MAP3K2: variants seen among roughly 807,000 people sequenced by gnomAD.
MAP3K2 encodes the protein mitogen-activated protein kinase kinase kinase 2.
MAP3K2 carries 24 observed loss-of-function variants against 80.3 expected under a neutral mutation model. That is an observed-to-expected ratio of 0.30 (90% CI 0.22 to 0.42). The LOEUF (loss-of-function observed/expected upper bound fraction) is 0.42. Ranked by LOEUF, MAP3K2 falls within the 10% of genes least tolerant of loss-of-function variation. The pLI is 1.00. For missense variants in MAP3K2, 608 were observed against 750.1 expected (o/e 0.81, Z 2.21); for synonymous variants, 244 against 253.7 (o/e 0.96, Z 0.36).
chr2:127,371,594 AT>A (rs1687066229), intron 1 of MAP3K2, among the ~76,000 whole-genome samples: 2 of 152,194 alleles, frequency 1.3e-5, no homozygotes, highest in South Asian at 4.1e-4. Context: ...AATGCATGCA[AT>A]CAGAGGAAAG....
chr2:127,350,456 A>G (rs1026762734), intron 1 of MAP3K2, among the ~76,000 whole-genome samples: 2 of 141,430 alleles, frequency 1.4e-5, no homozygotes, highest in African/African-American at 5.6e-5. Context: ...AACAAAAACA[A>G]AAAAAAAAAA....
intron 1 of MAP3K2, among the ~76,000 whole-genome samples, chr2:127,355,667 G>T (rs1686784830): frequency 6.6e-6 from 1 of 152,134 alleles, no homozygotes; most frequent in Non-Finnish European, 1.5e-5. Context: ...AGGTTGGGGT[G>T]ACTAGGGCAA....
intron 11 of MAP3K2, among the ~76,000 whole-genome samples, chr2:127,323,400 C>G (rs945023793): frequency 6.1e-5 from 9 of 148,316 alleles, no homozygotes; most frequent in African/African-American, 2.2e-4. Flanking sequence ...ATTACTCCTT[C>G]TTGGCCAAGT....
At chr2:127,387,380 C>A in intron 1 of MAP3K2, 72 bp downstream of exon 1, 1 of 60,044 alleles carries the variant, frequency 1.7e-5, no homozygotes, top group Non-Finnish European at 2.6e-5. Context: ...CAGCCCGCGG[C>A]CCCCGACACA....
Position 127,330,155 on chromosome 2 carries a change from T to C in MAP3K2, c.379-147A>G, listed in dbSNP as rs1360334482. On this transcript the variant is annotated intron_variant, in intron 6 of 16. Coordinates refer to ENST00000682094, the MANE Select transcript of MAP3K2 (RefSeq NM_001371910.2). ...CTTTGAAATTTTAATTCTAACATAA[T>C]TCTAAGTTGTCAGTTTCTATTAGCT... 3 of 604,192 alleles carry C rather than the reference T, an allele frequency of 5.0e-6. No homozygotes were observed. The South Asian group carries it at 6.8e-5, about 14-fold the overall frequency. The allele number at this position is 604,192 out of a possible 1,614,324, so 37.4% of individuals were successfully genotyped here. A position where few individuals can be genotyped will look rare whatever the true frequency, so the allele number is the denominator to read the frequency against.
rs1685581420 is a variant in MAP3K2, at chr2:127,301,031, C to T, written c.*6548G>A. The stretch of plus-strand genomic sequence containing the variant: ...AAGAAGTGAACTTAAAAGTGCTTTT[C>T]GGTATGGTCATGAACTTTACTGTTC... On this transcript the variant is annotated 3_prime_UTR_variant, in exon 17 of 17. Coordinates refer to ENST00000682094, the MANE Select transcript of MAP3K2 (RefSeq NM_001371910.2). The T allele has an allele frequency of 6.6e-6, 1 of 152,176 alleles. No homozygotes were observed. The highest frequency in any genetic ancestry group is 2.4e-5 in the African/African-American group (1 of 41,442). 9.4% of individuals were successfully genotyped at this position (152,176 alleles called of 1,614,324 possible).
rs1018166376 is a variant in MAP3K2, at chr2:127,339,427, T to C, written c.5-377A>G. On this transcript the variant is annotated intron_variant, in intron 2 of 16. Coordinates refer to ENST00000682094, the MANE Select transcript of MAP3K2 (RefSeq NM_001371910.2). The surrounding 1 kb of genome is among the most constrained non-coding windows in gnomAD (Gnocchi z 4.2). ...GGAAAAAAAAATAAACAACTTTGTA[T>C]AAATCTCATTACTTAGCATTTATAT... 6.6e-6 allele frequency among the ~76,000 whole-genome samples: 1 copy of C among 152,222 alleles called. No individual in the cohort carries two copies. Among genetic ancestry groups the C allele is most frequent in the African/African-American group, 2.4e-5 (1 of 41,464 alleles).
chr2:127,335,839 G>T, intron 5 of MAP3K2, 31 bp downstream of exon 5: 1 of 1,215,560 alleles, frequency 8.2e-7, no homozygotes, highest in African/African-American at 1.5e-5. Context: ...TTGAAGGTAA[G>T]ATCTACTAAA....
chr2:127,369,785 G>C (rs2104885858), intron 1 of MAP3K2, among the ~76,000 whole-genome samples: 1 of 152,302 alleles, frequency 6.6e-6, no homozygotes, highest in Non-Finnish European at 1.5e-5. Context: ...GGTGAAAGTG[G>C]TGAATGTTTC....
At chr2:127,356,869 TAGAC>T (rs547626724) in intron 1 of MAP3K2, among the ~76,000 whole-genome samples, 202 of 152,202 alleles carry the variant, frequency 1.3e-3, no homozygotes, top group African/African-American at 4.6e-3. Flanking sequence ...AAAACAAAAA[TAGAC>T]AGACGGGACT....
chr2:127,305,162 T>C lies in MAP3K2; in HGVS notation c.*2417A>G, dbSNP rs770386880. The C allele has an allele frequency of 2.6e-5, 4 of 152,510 alleles. No homozygotes were observed. Among genetic ancestry groups the C allele is most frequent in the Non-Finnish European group, 5.9e-5 (4 of 68,010 alleles). 9.4% of individuals were successfully genotyped at this position (152,510 alleles called of 1,614,324 possible). A position where few individuals can be genotyped will look rare whatever the true frequency, so the allele number is the denominator to read the frequency against. Reference sequence around the variant, plus strand: ...GCATTTGTCTCATATTGTGCACTGCTGGTTACCCTGACAGACCAAAAACGA... The same window carrying C: ...GCATTTGTCTCATATTGTGCACTGCCGGTTACCCTGACAGACCAAAAACGA... On this transcript the variant is annotated 3_prime_UTR_variant, in exon 17 of 17. Coordinates refer to ENST00000682094, the MANE Select transcript of MAP3K2 (RefSeq NM_001371910.2).
At position 127,317,594 on chromosome 2, in the gene MAP3K2, A is replaced by G. The variant is rs761261746; in HGVS notation, c.1326+35T>C. Reference sequence around the variant, plus strand: ...TCTTTTATTAACTAAAATTTTAAATAGAATGTGTATTTTCAAAAAGATGTA... The same window carrying G: ...TCTTTTATTAACTAAAATTTTAAATGGAATGTGTATTTTCAAAAAGATGTA... On this transcript the variant is annotated intron_variant, in intron 14 of 16. Transcript: ENST00000682094. 5 of 1,462,084 alleles carry G rather than the reference A, an allele frequency of 3.4e-6. No homozygotes were observed. The Middle Eastern group carries it at 9.4e-4, about 274-fold the overall frequency. The allele number at this position is 1,462,084 out of a possible 1,614,324, so 90.6% of individuals were successfully genotyped here. A position where few individuals can be genotyped will look rare whatever the true frequency, so the allele number is the denominator to read the frequency against.
chr2:127,352,468 T>A (rs1002009328), intron 1 of MAP3K2, among the ~76,000 whole-genome samples: 2 of 152,184 alleles, frequency 1.3e-5, no homozygotes, highest in African/African-American at 4.8e-5. Context: ...CAGTGTCATT[T>A]GAAGTTTCAT....
chr2:127,314,884 C>A lies in MAP3K2; in HGVS notation c.1327-1G>T. 1 of 1,594,292 alleles carries A rather than the reference C, an allele frequency of 6.3e-7. No individual in the cohort carries two copies. The highest frequency in any genetic ancestry group is 8.5e-7 in the Non-Finnish European group (1 of 1,170,466). ...CTTTTAATTGGTCCTTAATTGAACC[C>A]TAGGAGAAAAGAAAACAAAAATAAA... is the stretch of plus-strand genomic sequence containing the variant. On this transcript the variant is annotated splice_acceptor_variant, in intron 14 of 16. Coordinates refer to ENST00000682094, the MANE Select transcript of MAP3K2 (RefSeq NM_001371910.2). LOFTEE classifies it high-confidence loss of function.
intron 5 of MAP3K2, 126 bp from the exon 6 acceptor site, chr2:127,330,631 G>A (rs1686237364): frequency 5.6e-6 from 3 of 535,644 alleles, no homozygotes; most frequent in South Asian, 5.7e-5. Context: ...TATGATGAAA[G>A]TCTGAATGTG....
At chr2:127,378,050 T>G (rs1468567883) in intron 1 of MAP3K2, 1 of 291,306 alleles carries the variant, frequency 3.4e-6, no homozygotes, top group African/African-American at 2.3e-5. Context: ...CTAGAGGGAA[T>G]AAGGAAAAGA....
chr2:127,361,468 C>T (rs1330679288), intron 1 of MAP3K2, among the ~76,000 whole-genome samples: 4 of 152,048 alleles, frequency 2.6e-5, no homozygotes, highest in Non-Finnish European at 5.9e-5. Flanking sequence ...GTTTTAATAA[C>T]TTAATAGTCA....
At position 127,364,285 on chromosome 2, in the gene MAP3K2, TAATC is replaced by T. The variant is rs1318519874; in HGVS notation, c.-65-21095_-65-21092del. On this transcript the variant is annotated intron_variant, in intron 1 of 16. Coordinates refer to ENST00000682094, the MANE Select transcript of MAP3K2 (RefSeq NM_001371910.2). This position sits in a 1 kb window ranked among gnomAD's most constrained non-coding sequence, Gnocchi z 4.1. The stretch of plus-strand genomic sequence containing the variant: ...CGGATAACCAAAAGAAGCAAATAGA[TAATC>T]AAAAAAAGCAAAGAGTAGGAGTCAA... Among the ~76,000 whole-genome samples the T allele has an allele frequency of 6.6e-6, 1 of 152,166 alleles. No individual in the cohort carries two copies. Among genetic ancestry groups the T allele is most frequent in the Admixed American group, 6.5e-5 (1 of 15,278 alleles).
Position 127,307,352 on chromosome 2 carries a change from T to TAAA in MAP3K2, c.*224_*226dup. 1.5e-5 allele frequency: 4 copies of TAAA among 267,894 alleles called. No homozygotes were observed. The highest frequency in any genetic ancestry group is 2.0e-5 in the Non-Finnish European group (3 of 146,456). The allele number at this position is 267,894 out of a possible 1,614,324, so 16.6% of individuals were successfully genotyped here. Reference sequence around the variant, plus strand: ...AACCACATCAGTACATTATAAAAATTAAAAAAAAAAACTTCAAGTTCTTGT... The same window carrying TAAA: ...AACCACATCAGTACATTATAAAAATTAAAAAAAAAAAAAACTTCAAGTTCTTGT... On this transcript the variant is annotated 3_prime_UTR_variant, in exon 17 of 17. Coordinates refer to ENST00000682094, the MANE Select transcript of MAP3K2 (RefSeq NM_001371910.2). This position sits in a 1 kb window ranked among gnomAD's most constrained non-coding sequence, Gnocchi z 5.4.
Sources: allele counts gnomAD v4.1 joint callset (sites outside exome capture counted in the v4.1 genomes callset), GRCh38; gene constraint gnomAD v4.1.1; non-coding constraint Gnocchi (gnomAD v3.1); transcripts MANE v1.5; gene names NCBI Gene and HGNC (gene_info 2026-07-23, HGNC 2026-07-21).